PTPRG: variants seen among roughly 807,000 people sequenced by gnomAD.
The protein encoded by PTPRG is receptor-type tyrosine-protein phosphatase gamma.
A neutral mutation model predicts 165.3 loss-of-function variants in PTPRG; 102 were observed. The ratio of observed to expected loss-of-function variants is 0.62; its 90% CI spans 0.53 to 0.73. PTPRG has a LOEUF of 0.73. Ranked by LOEUF, PTPRG falls within the 30% of genes least tolerant of loss-of-function variation. PTPRG has a pLI of 0.00. For synonymous variants in PTPRG, 675 were observed against 669.5 expected, an observed-to-expected ratio of 1.01 and a Z score of -0.13; for missense variants, 1,866 against 1,861.4, an observed-to-expected ratio of 1.00 and a Z score of -0.05.
In PTPRG at chr3:62,217,892, G is replaced by A. The variant is rs1374244936; in HGVS notation, c.2156-959G>A. On this transcript the variant is annotated intron_variant, in intron 12 of 29. Transcript: ENST00000474889. This position sits in a 1 kb window ranked among gnomAD's most constrained non-coding sequence, Gnocchi z 4.3. ...CTGGTTAACAGGTATTGGCCGACCA[G>A]AGAGAATCCTAAACTATTTGGCAAG... The A allele has an allele frequency of 6.6e-6, 1 of 152,428 alleles. No homozygotes were observed. The highest frequency in any genetic ancestry group is 1.5e-5 in the Non-Finnish European group (1 of 68,244). The allele number at this position is 152,428 out of a possible 1,614,324, so 9.4% of individuals were successfully genotyped here.
chr3:61,884,763 C>T (rs188723032), intron 2 of PTPRG, among the ~76,000 whole-genome samples: 1 of 152,140 alleles, frequency 6.6e-6, no homozygotes, highest in Non-Finnish European at 1.5e-5. Flanking sequence ...TCAAGGGCCT[C>T]GTCTCTTCTT....
chr3:61,909,506 CCTGA>C (rs1472146343), intron 2 of PTPRG, among the ~76,000 whole-genome samples: 2 of 152,090 alleles, frequency 1.3e-5, no homozygotes, highest in Non-Finnish European at 2.9e-5. Flanking sequence ...CACCACCACA[CCTGA>C]CTAATTTTTA....
chr3:61,942,661 A>G (rs1418616664), intron 2 of PTPRG, among the ~76,000 whole-genome samples: 2 of 152,234 alleles, frequency 1.3e-5, no homozygotes, highest in African/African-American at 2.4e-5. Context: ...GAACACAGCT[A>G]TTACACAGCT....
At chr3:61,719,634 GT>G (rs1451313712) in intron 1 of PTPRG, among the ~76,000 whole-genome samples, 2 of 152,134 alleles carry the variant, frequency 1.3e-5, no homozygotes, top group Non-Finnish European at 2.9e-5. Context: ...TCCCTTTTCC[GT>G]TTTCTCAATC....
intron 14 of PTPRG, among the ~76,000 whole-genome samples, chr3:62,231,863 A>G (rs1045880779): frequency 6.6e-6 from 1 of 151,606 alleles, no homozygotes; most frequent in African/African-American, 2.4e-5. Flanking sequence ...TGAGTTCTGG[A>G]TAGTTTGAAT....
intron 1 of PTPRG, among the ~76,000 whole-genome samples, chr3:61,747,151 A>G (rs565325005): frequency 6.6e-6 from 1 of 152,284 alleles, no homozygotes; most frequent in South Asian, 2.1e-4. Context: ...AAAGCAGTGT[A>G]TGCCCAGTGC....
At chr3:62,191,093 T>C (rs1463526756) in intron 8 of PTPRG, among the ~76,000 whole-genome samples, 1 of 152,130 alleles carries the variant, frequency 6.6e-6, no homozygotes, top group African/African-American at 2.4e-5. Flanking sequence ...CGTGCATGTG[T>C]GTGTGTGCAT....
At chr3:62,175,291 G>C (rs568458922) in intron 8 of PTPRG, among the ~76,000 whole-genome samples, 1 of 152,264 alleles carries the variant, frequency 6.6e-6, no homozygotes, top group South Asian at 2.1e-4. Context: ...TTGACTCTAG[G>C]AGTGGTGCCT....
At chr3:62,227,288 G>C (rs1483187113) in intron 13 of PTPRG, among the ~76,000 whole-genome samples, 4 of 152,122 alleles carry the variant, frequency 2.6e-5, no homozygotes, top group Non-Finnish European at 5.9e-5. Flanking sequence ...ACGATGACTG[G>C]GTTTTTGGTA....
chr3:62,250,122 A>T (rs923989789), intron 15 of PTPRG, among the ~76,000 whole-genome samples: 1 of 152,198 alleles, frequency 6.6e-6, no homozygotes, highest in African/African-American at 2.4e-5. Flanking sequence ...CACTCTATGA[A>T]TTATGAAATG....
chr3:61,782,286 T>C (rs1349457780), intron 2 of PTPRG, among the ~76,000 whole-genome samples: 1 of 152,212 alleles, frequency 6.6e-6, no homozygotes, highest in Non-Finnish European at 1.5e-5. Context: ...TCTTCTACTG[T>C]CTCCTCAATG....
intron 2 of PTPRG, among the ~76,000 whole-genome samples, chr3:61,772,696 G>T (rs564672843): frequency 6.6e-6 from 1 of 152,172 alleles, no homozygotes; most frequent in African/African-American, 2.4e-5. Context: ...GTTCTGCAGT[G>T]TAGATAGACC....
intron 2 of PTPRG, among the ~76,000 whole-genome samples, chr3:61,865,625 C>G (rs1428900975): frequency 1.7e-4 from 26 of 152,328 alleles, no homozygotes; most frequent in Non-Finnish European, 1.8e-4. Context: ...TGGCCTTGGT[C>G]TCTCCACCTG....
intron 9 of PTPRG, among the ~76,000 whole-genome samples, chr3:62,194,500 T>C (rs1000768536): frequency 6.6e-6 from 1 of 152,124 alleles, no homozygotes; most frequent in African/African-American, 2.4e-5. Flanking sequence ...GTAATAAAAA[T>C]ACAGCGAGGC....
chr3:61,830,639 A>G (rs190926445), intron 2 of PTPRG, among the ~76,000 whole-genome samples: 1 of 130,098 alleles, frequency 7.7e-6, no homozygotes, highest in Admixed American at 9.7e-5. Context: ...CAATGCCGTG[A>G]TCTCGGTTCA....
chr3:61,874,317 G>A (rs956517238), intron 2 of PTPRG, among the ~76,000 whole-genome samples: 6 of 152,144 alleles, frequency 3.9e-5, no homozygotes, highest in Admixed American at 1.3e-4. Flanking sequence ...GGTTGACCAC[G>A]TCTTACCAAA....
In PTPRG at chr3:61,773,887, G is replaced by C. The variant is rs928853109; in HGVS notation, c.190+24905G>C. 2.7e-4 allele frequency among the ~76,000 whole-genome samples: 41 copies of C among 151,770 alleles called. 1 individual carries two copies. In the East Asian group the frequency reaches 7.6e-3, roughly 28 times the overall value. ...TCCCCCGTGTTCAAGCAATTCTCCTGCCTCAGCCTCCCAACTAGCTGGGAT... is the reference window on the plus strand; with the variant it reads ...TCCCCCGTGTTCAAGCAATTCTCCTCCCTCAGCCTCCCAACTAGCTGGGAT... On this transcript the variant is annotated intron_variant, in intron 2 of 29. Coordinates refer to ENST00000474889, the MANE Select transcript of PTPRG (RefSeq NM_002841.4).
intron 11 of PTPRG, among the ~76,000 whole-genome samples, chr3:62,202,519 C>A (rs758190749): frequency 6.6e-6 from 1 of 152,204 alleles, no homozygotes; most frequent in African/African-American, 2.4e-5. Context: ...GATTTTCCCA[C>A]GGATCAACTT....
intron 1 of PTPRG, among the ~76,000 whole-genome samples, chr3:61,663,308 G>C (rs1224409474): frequency 6.6e-6 from 1 of 152,206 alleles, no homozygotes; most frequent in African/African-American, 2.4e-5. Flanking sequence ...CAAATGCCTG[G>C]TGTCACAGAA....
Sources: gnomAD v4.1 joint callset for allele counts (sites outside exome capture counted in the v4.1 genomes callset) on GRCh38, gnomAD v4.1.1 for gene constraint, Gnocchi (gnomAD v3.1) non-coding constraint, MANE v1.5 for transcripts, NCBI Gene and HGNC (gene_info 2026-07-23, HGNC 2026-07-21) for gene names.